The following DGKA variants were observed in gnomAD, a reference collection of about 807,000 sequenced individuals.
The protein encoded by DGKA is diacylglycerol kinase alpha.
A neutral mutation model predicts 105.0 loss-of-function variants in DGKA; 35 were observed. That is an observed-to-expected ratio of 0.33 (90% confidence interval 0.25 to 0.44). The LOEUF (loss-of-function observed/expected upper bound fraction) is 0.44. DGKA is among the 20% of genes least tolerant of loss of function. The pLI, the probability that DGKA is intolerant of heterozygous loss-of-function variation, is 1.00. For missense variants in DGKA, 665 were observed against 915.0 expected, an observed-to-expected ratio of 0.73 and a Z score of 3.53; for synonymous variants, 296 against 332.0, an observed-to-expected ratio of 0.89 and a Z score of 1.18.
At position 55,932,526 on chromosome 12, in the gene DGKA, T is replaced by C. The variant is rs1322248036; in HGVS notation, c.-82+1182T>C. On this transcript the variant is annotated intron_variant, in intron 1 of 23. Coordinates refer to ENST00000331886, the MANE Select transcript of DGKA (RefSeq NM_001345.5). This position sits in a 1 kb window ranked among gnomAD's most constrained non-coding sequence, Gnocchi z 4.3. ...CCTGTCACTGGGAAGTTTCTGAAAATACCTGAGTCTGAATCTCACTTTTCA... is the reference window on the plus strand; with the variant it reads ...CCTGTCACTGGGAAGTTTCTGAAAACACCTGAGTCTGAATCTCACTTTTCA... 7.1e-6 allele frequency: 5 copies of C among 702,198 alleles called. No individual in the cohort carries two copies. Among genetic ancestry groups the C allele is most frequent in the South Asian group, 4.4e-5 (3 of 67,580 alleles). 43.5% of individuals were successfully genotyped at this position (702,198 alleles called of 1,614,324 possible).
intron 17 of DGKA, among the ~76,000 whole-genome samples, chr12:55,950,376 G>A (rs968620776): frequency 1.3e-5 from 2 of 148,794 alleles, no homozygotes; most frequent in African/African-American, 2.5e-5. Context: ...GCGCAATCTC[G>A]GCTCACTGCA....
chr12:55,932,705 A>T lies in DGKA; in HGVS notation c.-82+1361A>T. 1.8e-6 allele frequency: 1 copy of T among 547,608 alleles called. No individual in the cohort carries two copies. Among genetic ancestry groups the T allele is most frequent in the Non-Finnish European group, 3.2e-6 (1 of 312,004 alleles). 33.9% of individuals were successfully genotyped at this position (547,608 alleles called of 1,614,324 possible). On this transcript the variant is annotated intron_variant, in intron 1 of 23. Coordinates refer to ENST00000331886, the MANE Select transcript of DGKA (RefSeq NM_001345.5). This position sits in a 1 kb window ranked among gnomAD's most constrained non-coding sequence, Gnocchi z 4.3. ...AATGACACCCTCTACACACACACAC[A>T]CACGCACACACACACACACACACAC...
Position 55,940,012 on chromosome 12 carries a change from C to G in DGKA, c.710-70C>G. The stretch of plus-strand genomic sequence containing the variant: ...AGGGATCACATATCTGATCCTGCCT[C>G]ACCCTCAGGTAAGAAGGAAATAGGG... On this transcript the variant is annotated intron_variant, in intron 9 of 23. Coordinates refer to ENST00000331886, the MANE Select transcript of DGKA (RefSeq NM_001345.5). This position sits in a 1 kb window ranked among gnomAD's most constrained non-coding sequence, Gnocchi z 4.3. 1 of 1,380,950 alleles carries G rather than the reference C, an allele frequency of 7.2e-7. No individual in the cohort carries two copies. Among genetic ancestry groups the G allele is most frequent in the South Asian group, 1.2e-5 (1 of 85,722 alleles). 85.5% of individuals were successfully genotyped at this position (1,380,950 alleles called of 1,614,324 possible). A position where few individuals can be genotyped will look rare whatever the true frequency, so the allele number is the denominator to read the frequency against.
At position 55,940,464 on chromosome 12, in the gene DGKA, G is replaced by A. The variant is rs930284926; in HGVS notation, c.918+31G>A. The A allele has an allele frequency of 1.2e-6, 2 of 1,611,192 alleles. No individual in the cohort carries two copies. The highest frequency in any genetic ancestry group is 1.7e-6 in the Non-Finnish European group (2 of 1,178,496). On this transcript the variant is annotated intron_variant, in intron 11 of 23. Transcript: ENST00000331886. The surrounding 1 kb of genome is among the most constrained non-coding windows in gnomAD (Gnocchi z 4.3). ...TTTGGGAGCCATCCCTTCTGGGTGC[G>A]TCTTACCCCGCAGAGCTGCCTTCTC...
intron 7 of DGKA, 73 bp downstream of exon 7, chr12:55,939,062 T>C: frequency 6.2e-7 from 1 of 1,609,064 alleles, no homozygotes; most frequent in Non-Finnish European, 8.5e-7. Context: ...CCTTACTTCA[T>C]CTCTGACAGG....
chr12:55,952,670 A>G lies in DGKA; in HGVS notation c.1744-64A>G. On this transcript the variant is annotated intron_variant, in intron 20 of 23. Transcript: ENST00000331886. This position sits in a 1 kb window ranked among gnomAD's most constrained non-coding sequence, Gnocchi z 5.1. ...TCTGGTGGAGGGAGCGATCACATCT[A>G]TGATCATGCCATGAGGTGAGGATCT... The G allele has an allele frequency of 1.9e-6, 3 of 1,565,418 alleles. No homozygotes were observed. The highest frequency in any genetic ancestry group is 2.6e-6 in the Non-Finnish European group (3 of 1,137,850).
chr12:55,953,353 C>T lies in DGKA; in HGVS notation c.2067C>T (p.Thr689=). The T allele has an allele frequency of 4.3e-6, 7 of 1,614,046 alleles. No individual in the cohort carries two copies. Among genetic ancestry groups the T allele is most frequent in the Non-Finnish European group, 5.9e-6 (7 of 1,179,972 alleles). ...LAKCSEITFH[T]TKTLPMQIDG... ...AATGTTCCTTGGCCTCCTATAGCACCACAAAAACCCTTCCCATGCAAATTG... is the reference window on the plus strand; with the variant it reads ...AATGTTCCTTGGCCTCCTATAGCACTACAAAAACCCTTCCCATGCAAATTG... The change falls in exon 23 of 24, where the codon ACC becomes ACT. Residue 689 remains threonine (T), a synonymous_variant. Coordinates refer to ENST00000331886, the MANE Select transcript of DGKA (RefSeq NM_001345.5).
upstream of DGKA, chr12:55,927,928 A>C (rs1341933292): frequency 2.4e-6 from 2 of 818,998 alleles, no homozygotes; most frequent in African/African-American, 3.5e-5. Context: ...GTCAGAGGGC[A>C]GGGTGAAAGC....
At chr12:55,927,554 C>G (rs781050187), upstream of DGKA, 62 of 848,658 alleles carry the variant, frequency 7.3e-5, no homozygotes, top group Middle Eastern at 1.0e-3. Context: ...AGACAAACTC[C>G]AGGAACGCAC....
intron 17 of DGKA, among the ~76,000 whole-genome samples, chr12:55,950,036 G>A (rs545126388): frequency 1.1e-4 from 17 of 151,476 alleles, no homozygotes; most frequent in Non-Finnish European, 1.6e-4. Context: ...GTGCAGTGGC[G>A]CAATCTCAGC....
rs1285753503 is a variant in DGKA at position 55,940,966 on chromosome 12, T to C, written c.1087T>C (p.Ser363Pro). 1 of 1,613,988 alleles carries C rather than the reference T, an allele frequency of 6.2e-7. No homozygotes were observed. Residue 363 changes from serine to proline, a missense_variant, in exon 13 of 24, where the codon TCT (serine) becomes CCT (proline). Ser to Pro is a moderately conservative substitution (Grantham distance 74). Transcript: ENST00000331886. The surrounding 1 kb of genome is among the most constrained non-coding windows in gnomAD (Gnocchi z 4.3). ...KTMDDLNLST[S>P]EALRIDPVPN... ...CATGGATGATTTAAATTTGAGCACC[T>C]CTGAGGCTCTGCGGGTACAGGGCTG...
At chr12:55,927,328 C>G (rs1283293744), upstream of DGKA, 2 of 767,310 alleles carry the variant, frequency 2.6e-6, no homozygotes, top group Non-Finnish European at 4.5e-6. Context: ...CATTACTGAG[C>G]GCTTGCTGCC....
rs1407237581 is a variant in DGKA, at chr12:55,940,236, C to G, written c.798+66C>G. ...CCTGGCCCTGGCCCTGGCCCTTGGC[C>G]CATTGCTGCCCTCAGCCCCTCCCTC... is the stretch of plus-strand genomic sequence containing the variant. On this transcript the variant is annotated intron_variant, in intron 10 of 23. Coordinates refer to ENST00000331886, the MANE Select transcript of DGKA (RefSeq NM_001345.5). This position sits in a 1 kb window ranked among gnomAD's most constrained non-coding sequence, Gnocchi z 4.3. 1 of 1,614,090 alleles carries G rather than the reference C, an allele frequency of 6.2e-7. No homozygotes were observed. The highest frequency in any genetic ancestry group is 2.2e-5 in the East Asian group (1 of 44,890).
chr12:55,929,875 C>G (rs534219608), upstream of DGKA: 1 of 152,304 alleles, frequency 6.6e-6, no homozygotes, highest in South Asian at 2.1e-4. Flanking sequence ...CATTACACCC[C>G]ACTTTGAAGT....
Position 55,953,696 on chromosome 12 carries a change from C to T in DGKA, c.2136C>T (p.Thr712=). Residue 712 remains threonine, a synonymous_variant, in exon 24 of 24, where the codon ACC becomes ACT. Coordinates refer to ENST00000331886, the MANE Select transcript of DGKA (RefSeq NM_001345.5). ...CCCTTCCCTTCCAGATCAAGATCAC[C>T]CACAAGAACCAGATGCCCATGCTCA... The part of the protein sequence containing the change: ...WMQTPCTIKI[T]HKNQMPMLMG... 1 of 1,614,138 alleles carries T rather than the reference C, an allele frequency of 6.2e-7. No individual in the cohort carries two copies.
upstream of DGKA, among the ~76,000 whole-genome samples, chr12:55,930,154 A>G (rs546315507): frequency 2.3e-4 from 35 of 152,228 alleles, no homozygotes; most frequent in Middle Eastern, 3.4e-3. Context: ...CTTTACACAC[A>G]TTGCACCACT....
intron 1 of DGKA, chr12:55,931,704 T>C (rs1883635616): frequency 6.6e-6 from 1 of 152,346 alleles, no homozygotes. Context: ...TGCCGAGCTG[T>C]TCTGTTAGCG....
chr12:55,936,205 GA>G lies in DGKA; in HGVS notation c.-81-217del, dbSNP rs1442496094. 16 of 567,256 alleles carry G rather than the reference GA, an allele frequency of 2.8e-5. No homozygotes were observed. The South Asian group carries it at 4.9e-4, about 17-fold the overall frequency. The allele number at this position is 567,256 out of a possible 1,614,324, so 35.1% of individuals were successfully genotyped here. On this transcript the variant is annotated intron_variant, in intron 1 of 23. Transcript: ENST00000331886. ...AAGGATCCAGAAATGGAGAGACAGA[GA>G]TGAGTCAGAGAAACAGAGACAGAGG...
upstream of DGKA, chr12:55,927,918 G>A: frequency 1.1e-6 from 1 of 907,492 alleles, no homozygotes; most frequent in Non-Finnish European, 1.6e-6. Flanking sequence ...GGGCCCTAGG[G>A]TCAGAGGGCA....
Sources: gnomAD v4.1 joint callset for allele counts (sites outside exome capture counted in the v4.1 genomes callset) on GRCh38, gnomAD v4.1.1 for gene constraint, Gnocchi (gnomAD v3.1) non-coding constraint, MANE v1.5 for transcripts, NCBI Gene and HGNC (gene_info 2026-07-23, HGNC 2026-07-21) for gene names.